ACSL4: variants seen among roughly 807,000 people sequenced by gnomAD.
The protein encoded by ACSL4 is acyl-CoA synthetase long chain family member 4.
A neutral mutation model predicts 49.1 loss-of-function variants in ACSL4; 9 were observed. The ratio of observed to expected loss-of-function variants is 0.18; its 90% CI spans 0.11 to 0.32. The LOEUF (loss-of-function observed/expected upper bound fraction) is 0.32, where lower values mean the gene tolerates loss of function less well. Among genes scored for constraint, ACSL4 ranks in the 10% least tolerant of loss-of-function variants. ACSL4 has a pLI of 1.00. For missense variants in ACSL4, 333 were observed against 493.7 expected (o/e 0.67, Z 3.08); for synonymous variants, 191 against 170.3 (o/e 1.12, Z -0.95).
chrX:109,668,035 G>A (rs1259325422), intron 11 of ACSL4, 66 bp downstream of exon 11: 1 of 842,796 alleles, frequency 1.2e-6, no homozygotes, highest in African/African-American at 2.0e-5. Context: ...GGTTTCCAAA[G>A]GTAATGCGAA....
chrX:109,698,466 C>T (rs1925619927), intron 1 of ACSL4, among the ~76,000 whole-genome samples: 1 of 111,752 alleles, frequency 8.9e-6, no homozygotes, highest in South Asian at 3.7e-4. Context: ...GATGATTTAG[C>T]TAAAATTGTA....
intron 1 of ACSL4, among the ~76,000 whole-genome samples, chrX:109,716,387 G>A (rs1349347035): frequency 8.9e-6 from 1 of 112,416 alleles, no homozygotes; most frequent in Non-Finnish European, 1.9e-5. Flanking sequence ...GAAAATGAAT[G>A]TTATTAAAAA....
chrX:109,730,908 C>T (rs1263568430), intron 1 of ACSL4, among the ~76,000 whole-genome samples: 1 of 111,503 alleles, frequency 9.0e-6, no homozygotes, highest in East Asian at 2.8e-4. Flanking sequence ...CCTCATGATC[C>T]GCCGGCCTCG....
intron 8 of ACSL4, among the ~76,000 whole-genome samples, chrX:109,676,621 G>A (rs989568158): frequency 9.0e-6 from 1 of 110,506 alleles, no homozygotes; most frequent in African/African-American, 3.3e-5. Flanking sequence ...CCTAAGCCTG[G>A]TTGAAGCTTT....
At position 109,681,083 on chromosome X, in the gene ACSL4, C is replaced by T; in HGVS notation, c.570G>A (p.Lys190=). The T allele has an allele frequency of 8.3e-7, 1 of 1,209,256 alleles. No homozygotes were observed. ...CAGGGTACTCTGCTTTATTGATAGC[C>T]TTATTGTCCACATAAATGATATGTT... is the stretch of plus-strand genomic sequence containing the variant. ...CVKHIIYVDN[K]AINKAEYPEG... The change falls in exon 6 of 16, where the codon AAG becomes AAA. Residue 190 remains lysine, a synonymous_variant. Transcript: ENST00000672401.
intron 1 of ACSL4, among the ~76,000 whole-genome samples, chrX:109,710,855 T>C (rs2147516383): frequency 9.0e-6 from 1 of 111,434 alleles, no homozygotes; most frequent in East Asian, 2.8e-4. Flanking sequence ...ACTTAGAAAC[T>C]CACCACTGCA....
chrX:109,680,760 G>A (rs1349030600), intron 6 of ACSL4, among the ~76,000 whole-genome samples: 1 of 113,009 alleles, frequency 8.8e-6, no homozygotes, highest in Non-Finnish European at 1.9e-5. Context: ...CTGCCATGAA[G>A]TCTGAACCAC....
intron 15 of ACSL4, among the ~76,000 whole-genome samples, chrX:109,655,726 G>A (rs746014782): frequency 2.0e-4 from 22 of 111,158 alleles, no homozygotes; most frequent in Admixed American, 4.8e-4. Flanking sequence ...ACATCATTAT[G>A]AACTATCAAA....
intron 14 of ACSL4, 56 bp from the exon 15 acceptor site, chrX:109,659,567 A>G (rs1358329703): frequency 2.5e-6 from 2 of 815,658 alleles, no homozygotes; most frequent in African/African-American, 2.0e-5. Context: ...TTATTCATAA[A>G]CTAGTCAATG....
At chrX:109,689,002 G>T (rs762285871) in intron 2 of ACSL4, among the ~76,000 whole-genome samples, 5 of 110,821 alleles carry the variant, frequency 4.5e-5, no homozygotes, top group Non-Finnish European at 7.6e-5. Context: ...TTCCTCAACA[G>T]ATCCACTTAG....
intron 6 of ACSL4, 146 bp downstream of exon 6, chrX:109,680,852 G>T: frequency 1.8e-6 from 1 of 559,281 alleles, no homozygotes; most frequent in Non-Finnish European, 2.9e-6. Context: ...AATCATATAT[G>T]GTCTTGATGG....
intron 8 of ACSL4, among the ~76,000 whole-genome samples, chrX:109,677,786 A>C (rs1004511813): frequency 8.9e-6 from 1 of 112,098 alleles, no homozygotes; most frequent in Non-Finnish European, 1.9e-5. Context: ...AGAAAAAAAA[A>C]ATAATTTTAA....
At chrX:109,656,735 C>T (rs1484302004) in intron 15 of ACSL4, among the ~76,000 whole-genome samples, 1 of 108,666 alleles carries the variant, frequency 9.2e-6, no homozygotes, top group Non-Finnish European at 1.9e-5. Context: ...ACTGATAAAA[C>T]TGAAACTTAA....
At chrX:109,712,165 C>T (rs1170642612) in intron 1 of ACSL4, among the ~76,000 whole-genome samples, 4 of 111,510 alleles carry the variant, frequency 3.6e-5, no homozygotes, top group Non-Finnish European at 5.7e-5. Flanking sequence ...GTGGCACAAT[C>T]GCAGCTCACT....
At chrX:109,670,872 C>T (rs1433765906) in intron 9 of ACSL4, among the ~76,000 whole-genome samples, 1 of 112,776 alleles carries the variant, frequency 8.9e-6, no homozygotes, top group South Asian at 3.6e-4. Context: ...AGTGATCTGC[C>T]AGCCTCGGCC....
chrX:109,712,124 G>A (rs1488445412), intron 1 of ACSL4, among the ~76,000 whole-genome samples: 1 of 111,202 alleles, frequency 9.0e-6, no homozygotes, highest in African/African-American at 3.3e-5. Flanking sequence ...TAAGAGATGG[G>A]GTCCTGCTCT....
chrX:109,667,412 G>A (rs764142494), intron 11 of ACSL4, among the ~76,000 whole-genome samples: 4 of 112,421 alleles, frequency 3.6e-5, no homozygotes. Flanking sequence ...GGGAAACCTC[G>A]CTTCAGGCTG....
intron 1 of ACSL4, among the ~76,000 whole-genome samples, chrX:109,707,968 A>G (rs985578715): frequency 1.7e-4 from 19 of 111,513 alleles, no homozygotes; most frequent in Admixed American, 5.7e-4. Context: ...TTATTGAGAC[A>G]AGGTCTTGCT....
At chrX:109,701,740 T>G (rs757779862) in intron 1 of ACSL4, among the ~76,000 whole-genome samples, 13 of 91,945 alleles carry the variant, frequency 1.4e-4, no homozygotes, top group African/African-American at 4.9e-4. Flanking sequence ...GAGATGGGGT[T>G]TCACTGTGTT....
Sources: allele counts gnomAD v4.1 joint callset (sites outside exome capture counted in the v4.1 genomes callset), GRCh38; gene constraint gnomAD v4.1.1; transcripts MANE v1.5; gene names NCBI Gene and HGNC (gene_info 2026-07-23, HGNC 2026-07-21).